Variants in WDR12 observed in about 807,000 individuals in gnomAD.
The protein encoded by WDR12 is WD repeat domain 12.
In WDR12, 42 loss-of-function variants were observed where a neutral mutation model predicts 64.3. The observed-to-expected ratio is 0.65, with a 90% CI of 0.51 to 0.84. The LOEUF (loss-of-function observed/expected upper bound fraction) is 0.84, where lower values mean the gene tolerates loss of function less well. Among genes scored for constraint, WDR12 ranks in the 40% least tolerant of loss-of-function variants. The probability of loss-of-function intolerance (pLI) is 0.00; values close to 1 mark genes in which losing one functional copy is unlikely to be tolerated. For synonymous variants in WDR12, 158 were observed against 173.3 expected (o/e 0.91, Z 0.70); for missense variants, 469 against 494.6 (o/e 0.95, Z 0.49).
At chr2:202,884,340 A>T (rs1396131601) in intron 9 of WDR12, 37 bp from the exon 10 acceptor site, 2 of 1,613,274 alleles carry the variant, frequency 1.2e-6, no homozygotes, top group Non-Finnish European at 8.5e-7. Flanking sequence ...ACCATGGTAG[A>T]CTAAAAACCA....
intron 1 of WDR12, among the ~76,000 whole-genome samples, chr2:202,908,458 T>A (rs531156579): frequency 4.5e-4 from 68 of 152,160 alleles, no homozygotes; most frequent in Middle Eastern, 3.4e-3. Flanking sequence ...AGACCCTGTC[T>A]CAAAAGAGAA....
At chr2:202,902,415 G>A (rs1388442245) in intron 2 of WDR12, among the ~76,000 whole-genome samples, 1 of 152,208 alleles carries the variant, frequency 6.6e-6, no homozygotes, top group Non-Finnish European at 1.5e-5. Context: ...TGAAGGTGAT[G>A]CCAAACGAGA....
At chr2:202,907,774 C>T (rs1212516790) in intron 2 of WDR12, 91 bp downstream of exon 2, 6 of 964,714 alleles carry the variant, frequency 6.2e-6, no homozygotes, top group Admixed American at 2.1e-5. Context: ...AAAATTCATA[C>T]AGTATCATAA....
At chr2:202,887,894 CAAAAAAAAAAA>C (rs778475206) in intron 8 of WDR12, among the ~76,000 whole-genome samples, 3 of 60,756 alleles carry the variant, frequency 4.9e-5, no homozygotes, top group Non-Finnish European at 9.8e-5. Context: ...GACTCCGTCT[CAAAAAAAAAAA>C]AAAAAAAAGA....
At chr2:202,895,950 T>G (rs1011918588) in intron 6 of WDR12, 115 bp downstream of exon 6, 12 of 1,216,004 alleles carry the variant, frequency 9.9e-6, no homozygotes, top group Non-Finnish European at 1.4e-5. Flanking sequence ...TCCTATCTTT[T>G]GTCACCGATT....
At chr2:202,892,820 G>T in intron 7 of WDR12, 118 bp from the exon 8 acceptor site, 1 of 521,896 alleles carries the variant, frequency 1.9e-6, no homozygotes, top group East Asian at 3.4e-5. Flanking sequence ...GTTAGGGAAT[G>T]AATATTCCTC....
Position 202,911,667 on chromosome 2 carries a change from C to T in WDR12, c.-191G>A. On this transcript the variant is annotated 5_prime_UTR_variant, in exon 1 of 13. Coordinates refer to ENST00000261015, the MANE Select transcript of WDR12 (RefSeq NM_018256.4). ...CCTCTGCAGAAAGCACGAGGTTGCC[C>T]TTCTACAGACGCCCAGACCACAAAC... 4 of 604,854 alleles carry T rather than the reference C, an allele frequency of 6.6e-6. No individual in the cohort carries two copies. Among genetic ancestry groups the T allele is most frequent in the Non-Finnish European group, 8.9e-6 (3 of 335,798 alleles). 37.5% of individuals were successfully genotyped at this position (604,854 alleles called of 1,614,324 possible).
intron 6 of WDR12, 162 bp from the exon 7 acceptor site, chr2:202,894,788 T>A: frequency 2.0e-6 from 1 of 511,668 alleles, no homozygotes; most frequent in Non-Finnish European, 3.4e-6. Context: ...GAACATAAAA[T>A]CTGGGAAATC....
At chr2:202,885,500 C>T (rs1210356669) in intron 8 of WDR12, among the ~76,000 whole-genome samples, 1 of 152,184 alleles carries the variant, frequency 6.6e-6, no homozygotes, top group Non-Finnish European at 1.5e-5. Context: ...ACACAAAAAC[C>T]TTTGTGATCA....
intron 7 of WDR12, 58 bp downstream of exon 7, chr2:202,894,523 G>A (rs112597468): frequency 1.9e-5 from 28 of 1,479,702 alleles, no homozygotes; most frequent in East Asian, 7.2e-5. Context: ...TATAGCCTCC[G>A]AATTTAAATT....
At chr2:202,906,682 G>C (rs1324068318) in intron 2 of WDR12, among the ~76,000 whole-genome samples, 6 of 152,146 alleles carry the variant, frequency 3.9e-5, no homozygotes, top group Non-Finnish European at 7.3e-5. Context: ...TCGCCAAATG[G>C]TGAAACCCCG....
chr2:202,881,349 T>C (rs890840745), intron 12 of WDR12, among the ~76,000 whole-genome samples: 6 of 152,240 alleles, frequency 3.9e-5, no homozygotes, highest in Admixed American at 2.6e-4. Flanking sequence ...AGCTTACGTA[T>C]ATACATAAAA....
rs1559156396 is a variant in WDR12, at chr2:202,876,491, G to C, written c.*4369C>G. Reference sequence around the variant, plus strand: ...TTCTACACCTGGCAGTTTCTGGCTAGTAAAATCTGGATTTCACTTGCCTAA... The same window carrying C: ...TTCTACACCTGGCAGTTTCTGGCTACTAAAATCTGGATTTCACTTGCCTAA... On this transcript the variant is annotated 3_prime_UTR_variant, in exon 13 of 13. Coordinates refer to ENST00000261015, the MANE Select transcript of WDR12 (RefSeq NM_018256.4). The C allele has an allele frequency of 6.6e-6, 1 of 152,202 alleles. No individual in the cohort carries two copies. Among genetic ancestry groups the C allele is most frequent in the Non-Finnish European group, 1.5e-5 (1 of 68,040 alleles). 9.4% of individuals were successfully genotyped at this position (152,202 alleles called of 1,614,324 possible). A position where few individuals can be genotyped will look rare whatever the true frequency, so the allele number is the denominator to read the frequency against.
chr2:202,911,587 A>G lies in WDR12; in HGVS notation c.-111T>C. ...GAGGCAGCTCAAAATTAGACTGCACAGGTAAGCGAGGAACTGCAGTCTAAG... is the reference window on the plus strand; with the variant it reads ...GAGGCAGCTCAAAATTAGACTGCACGGGTAAGCGAGGAACTGCAGTCTAAG... On this transcript the variant is annotated 5_prime_UTR_variant, in exon 1 of 13. Transcript: ENST00000261015. 1.0e-6 allele frequency: 1 copy of G among 974,354 alleles called. No individual in the cohort carries two copies. Among genetic ancestry groups the G allele is most frequent in the Non-Finnish European group, 1.7e-6 (1 of 605,592 alleles). 60.4% of individuals were successfully genotyped at this position (974,354 alleles called of 1,614,324 possible).
chr2:202,883,516 C>G, intron 11 of WDR12, 93 bp downstream of exon 11: 1 of 1,369,312 alleles, frequency 7.3e-7, no homozygotes, highest in Non-Finnish European at 9.8e-7. Context: ...GCTTTTTTTA[C>G]TCTTCTGGTT....
At chr2:202,881,067 T>C in intron 12 of WDR12, 130 bp from the exon 13 acceptor site, 1 of 695,694 alleles carries the variant, frequency 1.4e-6, no homozygotes, top group South Asian at 2.4e-5. Context: ...TAACTTGCAT[T>C]GAGAGTGAGT....
At position 202,880,792 on chromosome 2, in the gene WDR12, G is replaced by A; in HGVS notation, c.*68C>T. ...GGCTGCTTTCTGCATCTGCATCTATGTAATTTCATGGTTCTCTACCAATTT... is the reference window on the plus strand; with the variant it reads ...GGCTGCTTTCTGCATCTGCATCTATATAATTTCATGGTTCTCTACCAATTT... On this transcript the variant is annotated 3_prime_UTR_variant, in exon 13 of 13. Transcript: ENST00000261015. 7.0e-7 allele frequency: 1 copy of A among 1,427,082 alleles called. No homozygotes were observed. The highest frequency in any genetic ancestry group is 1.3e-5 in the South Asian group (1 of 76,688). The allele number at this position is 1,427,082 out of a possible 1,614,324, so 88.4% of individuals were successfully genotyped here.
At chr2:202,888,020 A>C (rs1688082840) in intron 8 of WDR12, among the ~76,000 whole-genome samples, 1 of 152,234 alleles carries the variant, frequency 6.6e-6, no homozygotes, top group Admixed American at 6.5e-5. Flanking sequence ...CAAAAACCTA[A>C]ATACAAATGT....
chr2:202,904,362 A>T (rs1401169448), intron 2 of WDR12, among the ~76,000 whole-genome samples: 1 of 152,120 alleles, frequency 6.6e-6, no homozygotes, highest in Admixed American at 6.5e-5. Context: ...ACATGGAACC[A>T]CAAAAGAACC....
Sources: gnomAD v4.1 joint callset for allele counts (sites outside exome capture counted in the v4.1 genomes callset) on GRCh38, gnomAD v4.1.1 for gene constraint, MANE v1.5 for transcripts, NCBI Gene and HGNC (gene_info 2026-07-23, HGNC 2026-07-21) for gene names.